Variants in TBC1D2 observed in about 807,000 individuals in gnomAD.
TBC1D2 encodes the protein TBC1 domain family member 2A.
Under a neutral mutation model 91.1 loss-of-function variants are expected in TBC1D2, and 58 were observed. The observed-to-expected ratio is 0.64, with a 90% CI of 0.52 to 0.79. The LOEUF (loss-of-function observed/expected upper bound fraction) is 0.79, where lower values mean the gene tolerates loss of function less well. Among genes scored for constraint, TBC1D2 ranks in the 30% least tolerant of loss-of-function variants. The pLI, the probability that TBC1D2 is intolerant of heterozygous loss-of-function variation, is 0.00. For missense variants in TBC1D2, 1,080 were observed against 1,208.3 expected, an observed-to-expected ratio of 0.89 and a Z score of 1.57; for synonymous variants, 482 against 511.5, an observed-to-expected ratio of 0.94 and a Z score of 0.78.
chr9:98,216,900 A>G (rs1434120171), intron 6 of TBC1D2, among the ~76,000 whole-genome samples: 3 of 152,102 alleles, frequency 2.0e-5, no homozygotes, highest in African/African-American at 4.8e-5. Flanking sequence ...AAAAGGTCTC[A>G]TTATGTTGCC....
At position 98,210,463 on chromosome 9, in the gene TBC1D2, T is replaced by A. The variant is rs150977742; in HGVS notation, c.1673+193A>T. On this transcript the variant is annotated intron_variant, in intron 8 of 12. Coordinates refer to ENST00000465784, the MANE Select transcript of TBC1D2 (RefSeq NM_001267571.2). Reference sequence around the variant, plus strand: ...GGCAGCCTGTGCCGCAAATGTACTATAGGGCCATGGCAGGGGGCTGCCTCC... The same window carrying A: ...GGCAGCCTGTGCCGCAAATGTACTAAAGGGCCATGGCAGGGGGCTGCCTCC... 2.0e-5 allele frequency among the ~76,000 whole-genome samples: 3 copies of A among 152,226 alleles called. No homozygotes were observed. The East Asian group carries it at 5.8e-4, about 29-fold the overall frequency.
At chr9:98,235,830 C>T (rs58523842) in intron 3 of TBC1D2, among the ~76,000 whole-genome samples, 7,297 of 152,104 alleles carry the variant, frequency 0.048, 351 homozygotes, top group African/African-American at 0.12. Context: ...GTCAGGAGTT[C>T]GAGACCATCC....
chr9:98,251,992 G>A, intron 1 of TBC1D2, 66 bp from the exon 2 acceptor site: 1 of 1,540,196 alleles, frequency 6.5e-7, no homozygotes, highest in Non-Finnish European at 8.7e-7. Flanking sequence ...TGCAGGAAGA[G>A]GGGAAGGTTG....
At chr9:98,218,417 A>T (rs1292316003) in intron 6 of TBC1D2, among the ~76,000 whole-genome samples, 1 of 151,264 alleles carries the variant, frequency 6.6e-6, no homozygotes, top group Non-Finnish European at 1.5e-5. Context: ...ATACAAAAAA[A>T]TTAGCCGGGC....
In TBC1D2 at chr9:98,199,550, A is replaced by G; in HGVS notation, c.2618T>C (p.Phe873Ser). 1 of 1,614,094 alleles carries G rather than the reference A, an allele frequency of 6.2e-7. No individual in the cohort carries two copies. Among genetic ancestry groups the G allele is most frequent in the Non-Finnish European group, 8.5e-7 (1 of 1,180,028 alleles). ...MNIAFNDMNP[F>S]RMKQLRQLRM... ...CAGCTGCCGCAGCTGTTTCATGCGG[A>G]AGGGGTTCATGTCATTGAAGGCGAT... Residue 873 changes from phenylalanine (F) to serine (S), a missense_variant, in exon 13 of 13, where the codon TTC becomes TCC. Phe to Ser is a radical substitution (Grantham distance 155). Coordinates refer to ENST00000465784, the MANE Select transcript of TBC1D2 (RefSeq NM_001267571.2).
intron 9 of TBC1D2, among the ~76,000 whole-genome samples, chr9:98,204,930 C>T (rs1193318843): frequency 1.3e-5 from 2 of 152,194 alleles, no homozygotes; most frequent in African/African-American, 4.8e-5. Context: ...TTTGTCTAAG[C>T]CCATGGTAGA....
At chr9:98,232,581 G>A (rs983128569) in intron 4 of TBC1D2, among the ~76,000 whole-genome samples, 13 of 152,144 alleles carry the variant, frequency 8.5e-5, no homozygotes, top group Admixed American at 2.6e-4. Context: ...GCCTCCCAAA[G>A]TGCTGGGATT....
At position 98,221,084 on chromosome 9, in the gene TBC1D2, G is replaced by T. The variant is rs749845172; in HGVS notation, c.1123C>A (p.Arg375=). 3 of 1,608,500 alleles carry T rather than the reference G, an allele frequency of 1.9e-6. No homozygotes were observed. The highest frequency in any genetic ancestry group is 3.3e-4 in the Middle Eastern group (2 of 6,028). ...CGCTCCTGCTCCAGGGCCTCCACCC[G>T]CCGGCCCAGCTCCGCGATCTGCCGC... is the stretch of plus-strand genomic sequence containing the variant. ...KVRQIAELGR[R]VEALEQERES... Residue 375 remains arginine, a synonymous_variant, in exon 6 of 13, where the codon CGG becomes AGG. Transcript: ENST00000465784.
intron 6 of TBC1D2, among the ~76,000 whole-genome samples, chr9:98,218,368 C>T (rs1406736150): frequency 6.6e-6 from 1 of 151,612 alleles, no homozygotes; most frequent in Non-Finnish European, 1.5e-5. Flanking sequence ...AGATCAAGAC[C>T]ATCCTGGCTA....
rs778599566 is a variant in TBC1D2, at chr9:98,208,833, C to T, written c.1985G>A (p.Arg662His). 8.1e-6 allele frequency: 13 copies of T among 1,607,518 alleles called. No homozygotes were observed. The highest frequency in any genetic ancestry group is 2.2e-5 in the East Asian group (1 of 44,686). The change falls in exon 9 of 13, where the codon CGC (arginine) becomes CAC (histidine). Residue 662 changes from arginine (R) to histidine (H), a missense_variant. Physicochemically the swap from Arg to His is conservative, Grantham distance 29. Coordinates refer to ENST00000465784, the MANE Select transcript of TBC1D2 (RefSeq NM_001267571.2). ...YQELLSRGQA[R>H]EHPAARQIEL... The stretch of plus-strand genomic sequence containing the variant: ...AATCTGGCGGGCAGCAGGGTGCTCG[C>T]GGGCCTGGCCCCGGCTCAGCAGTTC...
intron 7 of TBC1D2, among the ~76,000 whole-genome samples, chr9:98,211,744 C>G (rs919033710): frequency 6.6e-6 from 1 of 152,202 alleles, no homozygotes; most frequent in Middle Eastern, 3.4e-3. Flanking sequence ...TGGTGCCCAC[C>G]TCTGTTGCCT....
intron 3 of TBC1D2, among the ~76,000 whole-genome samples, 160 bp downstream of exon 3, chr9:98,243,834 G>A (rs1458353077): frequency 6.6e-6 from 1 of 152,130 alleles, no homozygotes; most frequent in Non-Finnish European, 1.5e-5. Context: ...ACCACACCCG[G>A]CCAAATGTAA....
chr9:98,209,278 G>T, intron 8 of TBC1D2, 134 bp from the exon 9 acceptor site: 3 of 799,104 alleles, frequency 3.8e-6, no homozygotes, highest in Non-Finnish European at 6.2e-6. Flanking sequence ...CTCTGGGCAG[G>T]TCACTTCAGT....
At chr9:98,252,846 C>T (rs1436798411) in intron 1 of TBC1D2, among the ~76,000 whole-genome samples, 1 of 152,176 alleles carries the variant, frequency 6.6e-6, no homozygotes, top group African/African-American at 2.4e-5. Context: ...ATGAGAACAA[C>T]AGCGGGCTAC....
chr9:98,203,215 G>C (rs545631702), intron 10 of TBC1D2, 73 bp downstream of exon 10: 2 of 1,575,158 alleles, frequency 1.3e-6, no homozygotes, highest in Non-Finnish European at 1.7e-6. Context: ...TTTCCTGAGA[G>C]TCACAGGCTT....
At chr9:98,206,663 G>T (rs1828664125) in intron 9 of TBC1D2, among the ~76,000 whole-genome samples, 2 of 152,244 alleles carry the variant, frequency 1.3e-5, no homozygotes, top group African/African-American at 4.8e-5. Flanking sequence ...GACTGGGTTT[G>T]GGGGCTGGGG....
chr9:98,214,242 A>G (rs112695773), intron 6 of TBC1D2, among the ~76,000 whole-genome samples: 7 of 141,726 alleles, frequency 4.9e-5, no homozygotes, highest in African/African-American at 5.3e-5. Context: ...GCGATGCTGC[A>G]GCAAGGATGA....
intron 4 of TBC1D2, 141 bp from the exon 5 acceptor site, chr9:98,229,289 C>G (rs1829312469): frequency 2.8e-6 from 2 of 723,104 alleles, no homozygotes; most frequent in African/African-American, 3.6e-5. Flanking sequence ...TTTAATAGGT[C>G]TGGGGCAGGG....
rs1403071680 is a variant in TBC1D2, at chr9:98,210,893, C to A, written c.1486-50G>T. On this transcript the variant is annotated intron_variant, in intron 7 of 12. Transcript: ENST00000465784. ...GGCTACCGGGTGGGAGCTGGGCCGCCCCAGAGGCCTGAGGCCTGAACAGCT... is the reference window on the plus strand; with the variant it reads ...GGCTACCGGGTGGGAGCTGGGCCGCACCAGAGGCCTGAGGCCTGAACAGCT... 3 of 1,255,276 alleles carry A rather than the reference C, an allele frequency of 2.4e-6. No individual in the cohort carries two copies. The Admixed American group carries it at 7.5e-5, about 31-fold the overall frequency. 77.8% of individuals were successfully genotyped at this position (1,255,276 alleles called of 1,614,324 possible). A position where few individuals can be genotyped will look rare whatever the true frequency, so the allele number is the denominator to read the frequency against.
Sources: gnomAD v4.1 joint callset for allele counts (sites outside exome capture counted in the v4.1 genomes callset) on GRCh38, gnomAD v4.1.1 for gene constraint, MANE v1.5 for transcripts, NCBI Gene and HGNC (gene_info 2026-07-23, HGNC 2026-07-21) for gene names.